Variants in PIK3CD observed in about 807,000 individuals in gnomAD.
The protein encoded by PIK3CD is phosphatidylinositol 4,5-bisphosphate 3-kinase catalytic subunit delta isoform.
PIK3CD carries 20 observed loss-of-function variants against 122.9 expected under a neutral mutation model. That is an observed-to-expected ratio of 0.16 (90% confidence interval 0.11 to 0.24). The LOEUF (loss-of-function observed/expected upper bound fraction) is 0.24, where lower values mean the gene tolerates loss of function less well. PIK3CD is among the 10% of genes least tolerant of loss of function. The probability of loss-of-function intolerance (pLI) is 1.00; values close to 1 mark genes in which losing one functional copy is unlikely to be tolerated. For synonymous variants in PIK3CD, 596 were observed against 593.4 expected (o/e 1.00, Z -0.06); for missense variants, 787 against 1,406.3 (o/e 0.56, Z 7.04).
rs1557683189 is a variant in PIK3CD, at chr1:9,728,287, G to A, written c.*1241G>A. The A allele has an allele frequency of 6.6e-6, 1 of 152,186 alleles. No homozygotes were observed. The highest frequency in any genetic ancestry group is 1.5e-5 in the Non-Finnish European group (1 of 68,044). The allele number at this position is 152,186 out of a possible 1,614,324, so 9.4% of individuals were successfully genotyped here. A position where few individuals can be genotyped will look rare whatever the true frequency, so the allele number is the denominator to read the frequency against. On this transcript the variant is annotated 3_prime_UTR_variant, in exon 24 of 24. Transcript: ENST00000377346. ...CTATACTTAGTTTGAAATGGTGCAG[G>A]CTTAGTCTTAAGCCTCCAAAGGCCT...
At position 9,718,388 on chromosome 1, in the gene PIK3CD, G is replaced by A. The variant is rs1280009667; in HGVS notation, c.1021-306G>A. On this transcript the variant is annotated intron_variant, in intron 8 of 23. Coordinates refer to ENST00000377346, the MANE Select transcript of PIK3CD (RefSeq NM_005026.5). This position sits in a 1 kb window ranked among gnomAD's most constrained non-coding sequence, Gnocchi z 7.2. ...AGGGAGCCCTAGGATGTTAGAGCAAGGGTCCCTGAAGTTCTTGATCCCTGA... is the reference window on the plus strand; with the variant it reads ...AGGGAGCCCTAGGATGTTAGAGCAAAGGTCCCTGAAGTTCTTGATCCCTGA... Among the ~76,000 whole-genome samples, 1 of 152,064 alleles carries A rather than the reference G, an allele frequency of 6.6e-6. No homozygotes were observed. The highest frequency in any genetic ancestry group is 1.9e-4 in the East Asian group (1 of 5,180).
At position 9,718,560 on chromosome 1, in the gene PIK3CD, AC is replaced by A. The variant is rs1647937627; in HGVS notation, c.1021-132del. ...GCCCCTCAGGCCTTCCCTGTGCTGC[AC>A]CACCTTCCTTCGTGTGGGAAGTAGA... On this transcript the variant is annotated intron_variant, in intron 8 of 23. Transcript: ENST00000377346. The surrounding 1 kb of genome is among the most constrained non-coding windows in gnomAD (Gnocchi z 7.2). The A allele has an allele frequency of 1.2e-6, 1 of 859,436 alleles. No individual in the cohort carries two copies. Among genetic ancestry groups the A allele is most frequent in the African/African-American group, 1.7e-5 (1 of 60,200 alleles). 53.2% of individuals were successfully genotyped at this position (859,436 alleles called of 1,614,324 possible). A position where few individuals can be genotyped will look rare whatever the true frequency, so the allele number is the denominator to read the frequency against.
At chr1:9,685,276 AAAGC>A (rs1467064736) in intron 1 of PIK3CD, among the ~76,000 whole-genome samples, 2 of 152,188 alleles carry the variant, frequency 1.3e-5, no homozygotes, top group African/African-American at 4.8e-5. Context: ...AATAGAATTA[AAAGC>A]AAACATGTAA....
intron 23 of PIK3CD, among the ~76,000 whole-genome samples, chr1:9,725,746 A>G (rs1296093767): frequency 1.3e-5 from 2 of 151,266 alleles, no homozygotes; most frequent in East Asian, 2.0e-4. Flanking sequence ...GTGTGGTGGC[A>G]CGCACCTGTA....
chr1:9,716,743 C>T (rs1295935202), intron 6 of PIK3CD, 124 bp downstream of exon 6: 2 of 1,190,440 alleles, frequency 1.7e-6, no homozygotes, highest in Non-Finnish European at 2.4e-6. Context: ...TGGGTCACCG[C>T]CAGAGCATCC....
At position 9,715,640 on chromosome 1, in the gene PIK3CD, G is replaced by A; in HGVS notation, c.241G>A (p.Glu81Lys). 6.2e-7 allele frequency: 1 copy of A among 1,613,806 alleles called. No individual in the cohort carries two copies. The highest frequency in any genetic ancestry group is 8.5e-7 in the Non-Finnish European group (1 of 1,180,038). Residue 81 changes from glutamate (E) to lysine (K), a missense_variant, in exon 4 of 24, where the codon GAG becomes AAG. Glu to Lys is a moderately conservative substitution (Grantham distance 56). Transcript: ENST00000377346. This position sits in a 1 kb window ranked among gnomAD's most constrained non-coding sequence, Gnocchi z 4.1. Reference sequence around the variant, plus strand: ...CATCAACCAGACAGCGGAGCAGCAAGAGCTGGAGGACGAGCAACGGCGTCT... The same window carrying A: ...CATCAACCAGACAGCGGAGCAGCAAAAGCTGGAGGACGAGCAACGGCGTCT... The part of the protein sequence containing the change: ...TCINQTAEQQ[E>K]LEDEQRRLCD...
In PIK3CD at chr1:9,715,842, C is replaced by A; in HGVS notation, c.371-7C>A. On this transcript the variant is annotated splice_polypyrimidine_tract_variant and splice_region_variant and intron_variant, in intron 4 of 23. Coordinates refer to ENST00000377346, the MANE Select transcript of PIK3CD (RefSeq NM_005026.5). The surrounding 1 kb of genome is among the most constrained non-coding windows in gnomAD (Gnocchi z 4.1). Reference sequence around the variant, plus strand: ...CACCCGCTGACCCAGCCCTCCCCACCCCGCAGGCCTCCACGAGTTTGACTC... The same window carrying A: ...CACCCGCTGACCCAGCCCTCCCCACACCGCAGGCCTCCACGAGTTTGACTC... 6.2e-7 allele frequency: 1 copy of A among 1,611,666 alleles called. No individual in the cohort carries two copies. Among genetic ancestry groups the A allele is most frequent in the Non-Finnish European group, 8.5e-7 (1 of 1,179,182 alleles).
chr1:9,627,683 G>A, the PIK3CD span, among the ~76,000 whole-genome samples: 5 of 152,160 alleles, frequency 3.3e-5, no homozygotes, highest in Non-Finnish European at 7.4e-5. Flanking sequence ...GGTGGCTGAG[G>A]ACCAGGGGCT....
intron 1 of PIK3CD, among the ~76,000 whole-genome samples, chr1:9,656,485 A>C (rs1644859844): frequency 4.6e-5 from 7 of 152,192 alleles, no homozygotes; most frequent in Admixed American, 4.6e-4. Context: ...TTTGTGGCTT[A>C]AAACAGAAAC....
At chr1:9,682,189 C>G (rs1169255999) in intron 1 of PIK3CD, among the ~76,000 whole-genome samples, 1 of 152,116 alleles carries the variant, frequency 6.6e-6, no homozygotes, top group Non-Finnish European at 1.5e-5. Context: ...TACCAAAGTG[C>G]TAGGATTACA....
intron 1 of PIK3CD, among the ~76,000 whole-genome samples, chr1:9,673,127 C>G (rs1645385170): frequency 6.9e-6 from 1 of 145,954 alleles, no homozygotes; most frequent in Admixed American, 7.1e-5. Flanking sequence ...GAGACAGGGT[C>G]TCGCTCTGTC....
intron 1 of PIK3CD, chr1:9,653,707 T>C: frequency 1.1e-6 from 1 of 931,414 alleles, no homozygotes; most frequent in Admixed American, 2.4e-5. Flanking sequence ...GAGATATAAA[T>C]AGAGCTTTCT....
At chr1:9,684,206 A>G (rs1304961807) in intron 1 of PIK3CD, among the ~76,000 whole-genome samples, 1 of 152,070 alleles carries the variant, frequency 6.6e-6, no homozygotes, top group Non-Finnish European at 1.5e-5. Context: ...CCCTGCAACC[A>G]CGAGCCACAC....
rs1356682153 is a variant in PIK3CD, at chr1:9,719,097, A to G, written c.1242+182A>G. ...TGGCCACCAGCCCTGCTCGAGGGAC[A>G]CTCTGGGCTCCTGGGCTCCTGTGCA... On this transcript the variant is annotated intron_variant, in intron 9 of 23. Coordinates refer to ENST00000377346, the MANE Select transcript of PIK3CD (RefSeq NM_005026.5). The surrounding 1 kb of genome is among the most constrained non-coding windows in gnomAD (Gnocchi z 5.5). Among the ~76,000 whole-genome samples the G allele has an allele frequency of 6.6e-6, 1 of 152,122 alleles. No homozygotes were observed. The highest frequency in any genetic ancestry group is 2.4e-5 in the African/African-American group (1 of 41,428).
At chr1:9,684,766 A>C (rs1645900705) in intron 1 of PIK3CD, among the ~76,000 whole-genome samples, 1 of 149,082 alleles carries the variant, frequency 6.7e-6, no homozygotes, top group South Asian at 2.1e-4. Context: ...AGGTGGGAGG[A>C]TCACCTGAGT....
At position 9,719,301 on chromosome 1, in the gene PIK3CD, G is replaced by T. The variant is rs928045569; in HGVS notation, c.1242+386G>T. Among the ~76,000 whole-genome samples, 2 of 152,188 alleles carry T rather than the reference G, an allele frequency of 1.3e-5. No homozygotes were observed. The highest frequency in any genetic ancestry group is 1.3e-4 in the Admixed American group (2 of 15,272). On this transcript the variant is annotated intron_variant, in intron 9 of 23. Coordinates refer to ENST00000377346, the MANE Select transcript of PIK3CD (RefSeq NM_005026.5). This position sits in a 1 kb window ranked among gnomAD's most constrained non-coding sequence, Gnocchi z 5.5. Reference sequence around the variant, plus strand: ...GTCCCAGGATATGGCTCCCCTCGGAGCTGACTCACTCCGAGCTGAGCTGGG... The same window carrying T: ...GTCCCAGGATATGGCTCCCCTCGGATCTGACTCACTCCGAGCTGAGCTGGG...
chr1:9,682,897 C>T (rs923819912), intron 1 of PIK3CD, among the ~76,000 whole-genome samples: 3 of 152,116 alleles, frequency 2.0e-5, no homozygotes, highest in African/African-American at 4.8e-5. Flanking sequence ...TGACCCTGTC[C>T]CTCAGGGACA....
At chr1:9,662,968 C>T (rs7530337) in intron 1 of PIK3CD, among the ~76,000 whole-genome samples, 34 of 152,302 alleles carry the variant, frequency 2.2e-4, no homozygotes, top group African/African-American at 7.9e-4. Flanking sequence ...GGATGACAGG[C>T]GTGAGCCACT....
rs1235170929 is a variant in PIK3CD, at chr1:9,720,579, C to G, written c.1471-32C>G. 1.3e-6 allele frequency: 2 copies of G among 1,531,180 alleles called. No individual in the cohort carries two copies. Among genetic ancestry groups the G allele is most frequent in the Admixed American group, 2.0e-5 (1 of 49,966 alleles). 94.8% of individuals were successfully genotyped at this position (1,531,180 alleles called of 1,614,324 possible). On this transcript the variant is annotated intron_variant, in intron 11 of 23. Coordinates refer to ENST00000377346, the MANE Select transcript of PIK3CD (RefSeq NM_005026.5). The surrounding 1 kb of genome is among the most constrained non-coding windows in gnomAD (Gnocchi z 9.0). ...GTCCTGCCCGGGCTGGTCCAGGCCC[C>G]TGGGGACGCTGAGTGCAGCCGTTTG...
Sources: gnomAD v4.1 joint callset for allele counts (sites outside exome capture counted in the v4.1 genomes callset) on GRCh38, gnomAD v4.1.1 for gene constraint, Gnocchi (gnomAD v3.1) non-coding constraint, MANE v1.5 for transcripts, NCBI Gene and HGNC (gene_info 2026-07-23, HGNC 2026-07-21) for gene names.